Variants in LINGO2 observed in about 807,000 individuals in gnomAD.
The protein encoded by LINGO2 is leucine rich repeat and Ig domain containing 2, also known as leucine-rich repeat and immunoglobulin-like domain-containing nogo receptor-interacting protein 2.
In LINGO2, 14 loss-of-function variants were observed where a neutral mutation model predicts 30.6. The observed-to-expected ratio is 0.46, with a 90% CI of 0.30 to 0.72. LINGO2 has a LOEUF of 0.72. Among genes scored for constraint, LINGO2 ranks in the 30% least tolerant of loss-of-function variants. The probability of loss-of-function intolerance (pLI) is 0.07; values close to 1 mark genes in which losing one functional copy is unlikely to be tolerated. For synonymous variants in LINGO2, 317 were observed against 288.5 expected (o/e 1.10, Z -1.00); for missense variants, 729 against 751.7 (o/e 0.97, Z 0.35).
At chr9:28,933,649 A>G in the LINGO2 span, among the ~76,000 whole-genome samples, 1 of 152,180 alleles carries the variant, frequency 6.6e-6, no homozygotes, top group Non-Finnish European at 1.5e-5. Context: ...CCATGAAAAG[A>G]GAGTTCTCAA....
At chr9:28,941,848 G>T in the LINGO2 span, among the ~76,000 whole-genome samples, 1 of 152,162 alleles carries the variant, frequency 6.6e-6, no homozygotes, top group African/African-American at 2.4e-5. Context: ...TCCAAAAGAA[G>T]ATGAGGATGG....
the LINGO2 span, among the ~76,000 whole-genome samples, chr9:29,062,023 A>T: frequency 6.6e-6 from 1 of 152,138 alleles, no homozygotes; most frequent in African/African-American, 2.4e-5. Context: ...TTGAAAAGAC[A>T]TTTCTTCAAA....
At chr9:28,553,604 C>T (rs1209674891) in intron 1 of LINGO2, among the ~76,000 whole-genome samples, 2 of 152,006 alleles carry the variant, frequency 1.3e-5, no homozygotes, top group Non-Finnish European at 2.9e-5. Context: ...ACTTCCTCAA[C>T]CTAGCAAGGC....
intron 2 of LINGO2, among the ~76,000 whole-genome samples, chr9:28,386,475 T>C (rs1190420176): frequency 2.6e-5 from 4 of 152,188 alleles, no homozygotes; most frequent in African/African-American, 9.7e-5. Context: ...TTAGAGAATA[T>C]ATAATTCAAT....
chr9:28,062,491 ATATAC>A (rs1395745255), intron 4 of LINGO2, among the ~76,000 whole-genome samples: 2 of 146,598 alleles, frequency 1.4e-5, no homozygotes, highest in Non-Finnish European at 3.0e-5. Flanking sequence ...ATATATACAT[ATATAC>A]TATACATGTA....
chr9:28,749,194 C>G, the LINGO2 span, among the ~76,000 whole-genome samples: 1 of 152,050 alleles, frequency 6.6e-6, no homozygotes, highest in Admixed American at 6.6e-5. Context: ...CTTAACATTT[C>G]CCACACGCAT....
At chr9:28,645,885 G>C (rs1827817314) in intron 1 of LINGO2, among the ~76,000 whole-genome samples, 1 of 152,122 alleles carries the variant, frequency 6.6e-6, no homozygotes, top group Non-Finnish European at 1.5e-5. Context: ...AGATTGATTA[G>C]AGTACCGTGC....
chr9:28,673,966 A>C (rs1366172225), upstream of LINGO2, among the ~76,000 whole-genome samples: 1 of 152,058 alleles, frequency 6.6e-6, no homozygotes, highest in Non-Finnish European at 1.5e-5. Context: ...AAAATAAAAA[A>C]AAAATCCATC....
chr9:28,479,846 T>TGC (rs1491523566), intron 1 of LINGO2, among the ~76,000 whole-genome samples: 1,112 of 11,974 alleles, frequency 0.093, 15 homozygotes, highest in African/African-American at 0.12. Context: ...CCATGTCATC[T>TGC]GTGTGTGTGT....
At chr9:28,093,316 A>G (rs1046467641) in intron 4 of LINGO2, among the ~76,000 whole-genome samples, 1 of 152,124 alleles carries the variant, frequency 6.6e-6, no homozygotes, top group African/African-American at 2.4e-5. Context: ...TACCAAGAGC[A>G]TTAGTGGCAA....
chr9:28,556,974 T>G (rs1321946194), intron 1 of LINGO2, among the ~76,000 whole-genome samples: 1 of 152,038 alleles, frequency 6.6e-6, no homozygotes, highest in Non-Finnish European at 1.5e-5. Flanking sequence ...ATCCCTTCCT[T>G]ACACCTTATA....
chr9:27,953,915 G>A (rs1214152887), intron 5 of LINGO2, among the ~76,000 whole-genome samples: 1 of 152,112 alleles, frequency 6.6e-6, no homozygotes, highest in Non-Finnish European at 1.5e-5. Context: ...GAGAAAACTG[G>A]AAGGATATAA....
intron 1 of LINGO2, among the ~76,000 whole-genome samples, chr9:28,642,013 G>T (rs1588012341): frequency 2.8e-5 from 4 of 144,706 alleles, no homozygotes; most frequent in Admixed American, 6.9e-5. Flanking sequence ...ATAATACTCT[G>T]TTTTTTTTTT....
intron 4 of LINGO2, among the ~76,000 whole-genome samples, chr9:28,294,218 A>C (rs1823843473): frequency 6.6e-6 from 1 of 152,186 alleles, no homozygotes; most frequent in Non-Finnish European, 1.5e-5. Flanking sequence ...CCAAATAATT[A>C]TGTCAGGCTA....
At chr9:28,849,855 C>A in the LINGO2 span, among the ~76,000 whole-genome samples, 3 of 151,980 alleles carry the variant, frequency 2.0e-5, no homozygotes, top group Non-Finnish European at 4.4e-5. Flanking sequence ...GTTCCCAGAG[C>A]GCTCTGCTCC....
the LINGO2 span, among the ~76,000 whole-genome samples, chr9:28,828,990 T>C: frequency 3.8e-4 from 58 of 152,138 alleles, no homozygotes; most frequent in African/African-American, 1.3e-3. Flanking sequence ...GAACATGCAA[T>C]CCTGTTTTCC....
chr9:29,090,925 G>C, the LINGO2 span, among the ~76,000 whole-genome samples: 1 of 151,834 alleles, frequency 6.6e-6, no homozygotes, highest in African/African-American at 2.4e-5. Context: ...TTATTATCTT[G>C]AGATTATCTT....
At chr9:28,397,253 T>G (rs967796203) in intron 2 of LINGO2, among the ~76,000 whole-genome samples, 2 of 151,900 alleles carry the variant, frequency 1.3e-5, no homozygotes, top group African/African-American at 4.8e-5. Flanking sequence ...CAATATCTTC[T>G]TGGGAGGATA....
At chr9:28,227,242 C>T (rs1010548475) in intron 4 of LINGO2, among the ~76,000 whole-genome samples, 51 of 152,142 alleles carry the variant, frequency 3.4e-4, no homozygotes, top group African/African-American at 1.2e-3. Context: ...TCCAGACATC[C>T]CCAGTGGTTC....
Sources: gnomAD v4.1 joint callset for allele counts (sites outside exome capture counted in the v4.1 genomes callset) on GRCh38, gnomAD v4.1.1 for gene constraint, MANE v1.5 for transcripts, NCBI Gene and HGNC (gene_info 2026-07-23, HGNC 2026-07-21) for gene names.